The following CNTN1 variants were observed in gnomAD, a reference collection of about 807,000 sequenced individuals.
The protein encoded by CNTN1 is contactin-1.
Under a neutral mutation model 126.4 loss-of-function variants are expected in CNTN1, and 38 were observed. That is an observed-to-expected ratio of 0.30 (90% CI 0.23 to 0.39). CNTN1 has a LOEUF of 0.39. Ranked by LOEUF, CNTN1 falls within the 10% of genes least tolerant of loss-of-function variation. The pLI is 1.00. For missense variants in CNTN1, 1,009 were observed against 1,248.4 expected (o/e 0.81, Z 2.89); for synonymous variants, 413 against 422.6 (o/e 0.98, Z 0.28).
At chr12:41,022,423 T>A (rs1948938869) in intron 20 of CNTN1, among the ~76,000 whole-genome samples, 1 of 152,228 alleles carries the variant, frequency 6.6e-6, no homozygotes, top group Non-Finnish European at 1.5e-5. Context: ...ATATTTCAGC[T>A]CTGTCACTTA....
intron 1 of CNTN1, among the ~76,000 whole-genome samples, chr12:40,709,008 C>T (rs1941841095): frequency 6.6e-6 from 1 of 152,162 alleles, no homozygotes; most frequent in Admixed American, 6.5e-5. Context: ...TACTCAATGA[C>T]ATCTAAAATA....
chr12:40,863,967 C>G (rs1312693153), intron 1 of CNTN1, among the ~76,000 whole-genome samples: 1 of 130,808 alleles, frequency 7.6e-6, no homozygotes, highest in Non-Finnish European at 1.6e-5. Flanking sequence ...TTCTCCTTCT[C>G]CTCCTTCTCC....
At chr12:40,849,781 A>C (rs1942650725) in intron 1 of CNTN1, among the ~76,000 whole-genome samples, 1 of 152,084 alleles carries the variant, frequency 6.6e-6, no homozygotes, top group Non-Finnish European at 1.5e-5. Flanking sequence ...AGCATGCCAT[A>C]TGCAGCCAAA....
At chr12:41,047,615 C>G (rs1352926659) in intron 23 of CNTN1, among the ~76,000 whole-genome samples, 1 of 151,984 alleles carries the variant, frequency 6.6e-6, no homozygotes, top group Non-Finnish European at 1.5e-5. Flanking sequence ...TTCTACTAGC[C>G]TCTAGGGCCA....
chr12:41,042,784 A>T (rs985401769), intron 23 of CNTN1, among the ~76,000 whole-genome samples: 9 of 152,252 alleles, frequency 5.9e-5, no homozygotes, highest in African/African-American at 2.2e-4. Flanking sequence ...ACAGCATGGT[A>T]CTGGTACCAA....
chr12:40,810,216 A>T (rs1265965330), intron 1 of CNTN1, among the ~76,000 whole-genome samples: 2 of 152,122 alleles, frequency 1.3e-5, no homozygotes, highest in African/African-American at 4.8e-5. Flanking sequence ...CCTCTTTTAT[A>T]TTCTTCAGCT....
intron 14 of CNTN1, 21 bp downstream of exon 14, chr12:40,944,191 C>T: frequency 6.4e-7 from 1 of 1,569,632 alleles, no homozygotes; most frequent in Non-Finnish European, 8.8e-7. Context: ...TAAGTTTCAT[C>T]TTATTAACAC....
intron 15 of CNTN1, among the ~76,000 whole-genome samples, chr12:40,975,590 A>C (rs1324024710): frequency 1.3e-5 from 2 of 151,932 alleles, no homozygotes; most frequent in Non-Finnish European, 2.9e-5. Context: ...GAACATTCTC[A>C]GTCAGCATTC....
intron 23 of CNTN1, among the ~76,000 whole-genome samples, chr12:41,033,940 C>T (rs1256676978): frequency 1.3e-5 from 2 of 151,064 alleles, no homozygotes; most frequent in African/African-American, 4.9e-5. Context: ...GTCCCACCTA[C>T]TCGGGAGGCT....
rs557970110 is a variant in CNTN1 at position 40,755,190 on chromosome 12, C to CAAAAAAAAAAA, written c.-77+62624_-77+62634dup. ...AGGGCAACAGAGTGAGACCCCACCT[C>CAAAAAAAAAAA]AAAAAAAAAAAAAAAAAAAAAAAAA... On this transcript the variant is annotated intron_variant, in intron 1 of 23. Transcript: ENST00000551295. Among the ~76,000 whole-genome samples, 18 of 78,200 alleles carry CAAAAAAAAAAA rather than the reference C, an allele frequency of 2.3e-4. 1 individual carries two copies. The highest frequency in any genetic ancestry group is 7.8e-4 in the African/African-American group (14 of 18,048). 51.3% of individuals were successfully genotyped at this position (78,200 alleles called of 152,430 possible).
chr12:40,722,364 T>C (rs564148080), intron 1 of CNTN1, among the ~76,000 whole-genome samples: 15 of 152,324 alleles, frequency 9.8e-5, no homozygotes, highest in Non-Finnish European at 1.9e-4. Flanking sequence ...TATATGTTGT[T>C]ATTCCAAACA....
chr12:40,716,908 G>A (rs554876099), intron 1 of CNTN1, among the ~76,000 whole-genome samples: 5 of 152,238 alleles, frequency 3.3e-5, no homozygotes, highest in African/African-American at 1.2e-4. Context: ...ACACTTTAAA[G>A]CTAACAATTA....
intron 1 of CNTN1, among the ~76,000 whole-genome samples, chr12:40,725,965 A>T (rs1298567516): frequency 6.6e-6 from 1 of 152,138 alleles, no homozygotes; most frequent in Non-Finnish European, 1.5e-5. Context: ...GTGAGGAAAA[A>T]AATGTTTCAT....
At chr12:41,011,731 C>T (rs570515424) in intron 17 of CNTN1, among the ~76,000 whole-genome samples, 22 of 152,310 alleles carry the variant, frequency 1.4e-4, no homozygotes, top group Admixed American at 8.5e-4. Context: ...TTGTTGCACT[C>T]GCCTCCTTAA....
At chr12:41,042,271 G>T (rs1436110104) in intron 23 of CNTN1, among the ~76,000 whole-genome samples, 4 of 152,224 alleles carry the variant, frequency 2.6e-5, no homozygotes, top group East Asian at 3.9e-4. Flanking sequence ...TTGCACTGTG[G>T]TCTGAGAGAC....
chr12:40,694,503 T>C (rs1941397490), intron 1 of CNTN1, among the ~76,000 whole-genome samples: 1 of 152,210 alleles, frequency 6.6e-6, no homozygotes, highest in Admixed American at 6.5e-5. Context: ...TTATACTGCA[T>C]AGCAGTTTCC....
rs963809708 is a variant in CNTN1, at chr12:40,921,088, CTTTA to C, written c.228-1165_228-1162del. Among the ~76,000 whole-genome samples the C allele has an allele frequency of 2.8e-4, 43 of 152,242 alleles. 1 individual carries two copies. Among genetic ancestry groups the C allele is most frequent in the Non-Finnish European group, 5.7e-4 (39 of 68,010 alleles). ...GCCATCACCTGGGGGAAGAGGAAGG[CTTTA>C]TTCATTGGATTGTAATTTAGTAAGT... is the stretch of plus-strand genomic sequence containing the variant. On this transcript the variant is annotated intron_variant, in intron 4 of 23. Transcript: ENST00000551295.
intron 1 of CNTN1, among the ~76,000 whole-genome samples, chr12:40,700,906 A>G (rs1941578644): frequency 6.6e-6 from 1 of 152,258 alleles, no homozygotes; most frequent in Admixed American, 6.5e-5. Context: ...AAAACTTTAC[A>G]AAACCAGTGA....
chr12:40,723,762 C>T (rs1355616697), intron 1 of CNTN1, among the ~76,000 whole-genome samples: 2 of 152,126 alleles, frequency 1.3e-5, no homozygotes, highest in Non-Finnish European at 2.9e-5. Context: ...CATATTTCTG[C>T]TAGATATAGT....
Sources: allele counts gnomAD v4.1 joint callset (sites outside exome capture counted in the v4.1 genomes callset), GRCh38; gene constraint gnomAD v4.1.1; transcripts MANE v1.5; gene names NCBI Gene and HGNC (gene_info 2026-07-23, HGNC 2026-07-21).